Variants in ATXN10 observed in about 807,000 individuals in gnomAD.
ATXN10 encodes the protein ataxin-10.
ATXN10 carries 28 observed loss-of-function variants against 52.9 expected under a neutral mutation model. The observed-to-expected ratio is 0.53, with a 90% CI of 0.39 to 0.73. ATXN10 has a LOEUF of 0.73. Among genes scored for constraint, ATXN10 ranks in the 30% least tolerant of loss-of-function variants. ATXN10 has a pLI of 0.00. For synonymous variants in ATXN10, 226 were observed against 221.5 expected, an observed-to-expected ratio of 1.02 and a Z score of -0.18; for missense variants, 565 against 577.0, an observed-to-expected ratio of 0.98 and a Z score of 0.21.
Position 45,671,986 on chromosome 22 carries a change from CCCTCCTCGTCATCCTCCCCCTTCGT to C in ATXN10, c.-69_-45del. 6.8e-7 allele frequency: 1 copy of C among 1,473,494 alleles called. No homozygotes were observed. The highest frequency in any genetic ancestry group is 9.1e-7 in the Non-Finnish European group (1 of 1,095,572). The allele number at this position is 1,473,494 out of a possible 1,614,324, so 91.3% of individuals were successfully genotyped here. A position where few individuals can be genotyped will look rare whatever the true frequency, so the allele number is the denominator to read the frequency against. ...CCTTCCTCCTCGCCATCCTACTCCT[CCCTCCTCGTCATCCTCCCCCTTCGT>C]CCTCCTCGCCTTCCTCCTCCTCGTC... On this transcript the variant is annotated 5_prime_UTR_variant, in exon 1 of 12. Transcript: ENST00000252934.
intron 9 of ATXN10, among the ~76,000 whole-genome samples, chr22:45,800,007 A>T (rs978848930): frequency 5.3e-5 from 8 of 152,216 alleles, no homozygotes; most frequent in Non-Finnish European, 1.0e-4. Context: ...TTGATTTAAA[A>T]TAGCCACATA....
chr22:45,682,921 G>A (rs1184538006), intron 1 of ATXN10, among the ~76,000 whole-genome samples: 1 of 152,060 alleles, frequency 6.6e-6, no homozygotes, highest in East Asian at 1.9e-4. Flanking sequence ...CCCCCTAACT[G>A]GTCTCCTGCT....
chr22:45,740,298 G>T, intron 8 of ATXN10, 71 bp from the exon 9 acceptor site: 6 of 1,460,688 alleles, frequency 4.1e-6, no homozygotes, highest in Non-Finnish European at 5.8e-6. Context: ...ATTTGTCTAT[G>T]GAAAACTATT....
chr22:45,693,554 A>G (rs558858044), intron 3 of ATXN10, among the ~76,000 whole-genome samples: 2 of 152,310 alleles, frequency 1.3e-5, no homozygotes, highest in East Asian at 3.9e-4. Flanking sequence ...GGGCTGCACC[A>G]TCATGACCTA....
chr22:45,818,551 G>C lies in ATXN10; in HGVS notation c.1237+11529G>C, dbSNP rs561486711. Reference sequence around the variant, plus strand: ...GGTTCTCAGTGTGAGCCATGTGGGCGGTCCTTTTTGGTTTGAAGGTGACCA... The same window carrying C: ...GGTTCTCAGTGTGAGCCATGTGGGCCGTCCTTTTTGGTTTGAAGGTGACCA... On this transcript the variant is annotated intron_variant, in intron 10 of 11. Coordinates refer to ENST00000252934, the MANE Select transcript of ATXN10 (RefSeq NM_013236.4). This position sits in a 1 kb window ranked among gnomAD's most constrained non-coding sequence, Gnocchi z 4.6. Among the ~76,000 whole-genome samples the C allele has an allele frequency of 6.6e-6, 1 of 152,248 alleles. No homozygotes were observed. Among genetic ancestry groups the C allele is most frequent in the African/African-American group, 2.4e-5 (1 of 41,544 alleles).
At chr22:45,836,879 C>G (rs1275952590) in intron 10 of ATXN10, among the ~76,000 whole-genome samples, 1 of 152,164 alleles carries the variant, frequency 6.6e-6, no homozygotes, top group Admixed American at 6.5e-5. Context: ...AAACCTTTTT[C>G]TAACAGGGCA....
At chr22:45,725,477 A>T (rs1230758125) in intron 6 of ATXN10, among the ~76,000 whole-genome samples, 1 of 144,330 alleles carries the variant, frequency 6.9e-6, no homozygotes, top group African/African-American at 2.6e-5. Context: ...GTTATTGTTG[A>T]TGTATACCAG....
At chr22:45,700,054 C>T (rs1172719475) in intron 3 of ATXN10, among the ~76,000 whole-genome samples, 4 of 152,044 alleles carry the variant, frequency 2.6e-5, no homozygotes, top group African/African-American at 9.7e-5. Context: ...TCAAGTGATC[C>T]ACCCGCCTTG....
chr22:45,771,624 C>G (rs949206820), intron 9 of ATXN10, among the ~76,000 whole-genome samples: 1 of 151,998 alleles, frequency 6.6e-6, no homozygotes, highest in Non-Finnish European at 1.5e-5. Flanking sequence ...ACCATGTTGG[C>G]CCGGCTGGTC....
intron 6 of ATXN10, among the ~76,000 whole-genome samples, chr22:45,723,350 G>A: frequency 6.6e-6 from 1 of 151,498 alleles, no homozygotes; most frequent in East Asian, 1.9e-4. Context: ...GTGATTTTTG[G>A]TCACATGGAT....
In ATXN10 at chr22:45,724,896, T is replaced by C. The variant is rs537190679; in HGVS notation, c.729-4529T>C. On this transcript the variant is annotated intron_variant, in intron 6 of 11. Transcript: ENST00000252934. Reference sequence around the variant, plus strand: ...TGGCTATCCAGTTTTCCCAGAACCATTTATTGAATAGGAGGTTCTTTCCCC... The same window carrying C: ...TGGCTATCCAGTTTTCCCAGAACCACTTATTGAATAGGAGGTTCTTTCCCC... Among the ~76,000 whole-genome samples the C allele has an allele frequency of 2.0e-5, 3 of 152,306 alleles. No homozygotes were observed. The South Asian group carries it at 6.2e-4, about 32-fold the overall frequency.
At chr22:45,807,151 C>T (rs774478421) in intron 10 of ATXN10, 129 bp downstream of exon 10, 12 of 786,944 alleles carry the variant, frequency 1.5e-5, no homozygotes, top group Non-Finnish European at 2.1e-5. Context: ...TTCCTGAGAA[C>T]CAAATCATTT....
At position 45,842,893 on chromosome 22, in the gene ATXN10, TC is replaced by T; in HGVS notation, c.1238-96del. 4 of 1,307,482 alleles carry T rather than the reference TC, an allele frequency of 3.1e-6. No individual in the cohort carries two copies. The highest frequency in any genetic ancestry group is 2.3e-5 in the East Asian group (1 of 43,328). 81.0% of individuals were successfully genotyped at this position (1,307,482 alleles called of 1,614,324 possible). On this transcript the variant is annotated intron_variant, in intron 10 of 11. Coordinates refer to ENST00000252934, the MANE Select transcript of ATXN10 (RefSeq NM_013236.4). The surrounding 1 kb of genome is among the most constrained non-coding windows in gnomAD (Gnocchi z 4.8). ...AAACTTGTGGATTGATACTGGATGT[TC>T]CGTGTTTCTGTGCTCCTCTACTCCT...
chr22:45,830,408 CAG>C (rs1928949953), intron 10 of ATXN10, among the ~76,000 whole-genome samples: 2 of 152,088 alleles, frequency 1.3e-5, no homozygotes, highest in Non-Finnish European at 2.9e-5. Flanking sequence ...AATCATTCAA[CAG>C]AGTGAAAATG....
In ATXN10 at chr22:45,837,114, CATATA is replaced by C. The variant is rs111733469; in HGVS notation, c.1238-5871_1238-5867del. ...GGATGCGAAAACAATGCAGATATTA[CATATA>C]ATATATGTATCTGTTATACAGATAT... On this transcript the variant is annotated intron_variant, in intron 10 of 11. Coordinates refer to ENST00000252934, the MANE Select transcript of ATXN10 (RefSeq NM_013236.4). This position sits in a 1 kb window ranked among gnomAD's most constrained non-coding sequence, Gnocchi z 5.8. 0.012 allele frequency among the ~76,000 whole-genome samples: 1,846 copies of C among 152,224 alleles called. 43 individuals carry two copies. The highest frequency in any genetic ancestry group is 0.042 in the African/African-American group (1,762 of 41,526).
At chr22:45,721,807 C>G (rs146102271) in intron 6 of ATXN10, among the ~76,000 whole-genome samples, 1 of 152,182 alleles carries the variant, frequency 6.6e-6, no homozygotes, top group Non-Finnish European at 1.5e-5. Flanking sequence ...TCCAGCTACT[C>G]GGGAGGCTAA....
intron 9 of ATXN10, among the ~76,000 whole-genome samples, chr22:45,761,922 A>G (rs1306056654): frequency 6.6e-6 from 1 of 152,250 alleles, no homozygotes; most frequent in Non-Finnish European, 1.5e-5. Flanking sequence ...CTTTTAAAAA[A>G]AACACATCTG....
rs796314311 is a variant in ATXN10 at position 45,790,503 on chromosome 22, A to G, written c.1174-16456A>G. On this transcript the variant is annotated intron_variant, in intron 9 of 11. Transcript: ENST00000252934. The surrounding 1 kb of genome is among the most constrained non-coding windows in gnomAD (Gnocchi z 4.7). ...CTTACTTGTTGCCAACTAGCAGACC[A>G]TAGCAGAAAGTCTGTGATATCTGAG... Among the ~76,000 whole-genome samples the G allele has an allele frequency of 2.0e-5, 3 of 152,376 alleles. No homozygotes were observed. The highest frequency in any genetic ancestry group is 4.8e-5 in the African/African-American group (2 of 41,598).
At chr22:45,694,066 G>A (rs1923489984) in intron 3 of ATXN10, among the ~76,000 whole-genome samples, 1 of 152,120 alleles carries the variant, frequency 6.6e-6, no homozygotes, top group South Asian at 2.1e-4. Context: ...ACATTCCGTT[G>A]AGGGGAACCA....
Sources: allele counts gnomAD v4.1 joint callset (sites outside exome capture counted in the v4.1 genomes callset), GRCh38; gene constraint gnomAD v4.1.1; non-coding constraint Gnocchi (gnomAD v3.1); transcripts MANE v1.5; gene names NCBI Gene and HGNC (gene_info 2026-07-23, HGNC 2026-07-21).